Variants in EIF5B observed in about 807,000 individuals in gnomAD.
The protein encoded by EIF5B is eIF-5B.
Under a neutral mutation model 147.5 loss-of-function variants are expected in EIF5B, and 47 were observed. The ratio of observed to expected loss-of-function variants is 0.32; its 90% CI spans 0.25 to 0.41. EIF5B has a LOEUF of 0.41. EIF5B is among the 10% of genes least tolerant of loss of function. The pLI is 1.00. For synonymous variants in EIF5B, 455 were observed against 456.2 expected (o/e 1.00, Z 0.03); for missense variants, 1,064 against 1,413.2 (o/e 0.75, Z 3.96).
Position 99,337,560 on chromosome 2 carries a change from G to A in EIF5B, c.6G>A (p.Gly2=), listed in dbSNP as rs375012629. The A allele has an allele frequency of 5.0e-6, 8 of 1,613,018 alleles. No homozygotes were observed. The highest frequency in any genetic ancestry group is 1.7e-5 in the Admixed American group (1 of 59,918). The change falls in exon 1 of 24, where the codon GGG becomes GGA. Residue 2 remains glycine, a synonymous_variant. Transcript: ENST00000289371. M[G]KKQKNKSEDS... Reference sequence around the variant, plus strand: ...ACGAGCGCCATTGACAAGCAATGGGGAAGAAACAGAAAAACAAGAGCGAAG... The same window carrying A: ...ACGAGCGCCATTGACAAGCAATGGGAAAGAAACAGAAAAACAAGAGCGAAG...
intron 1 of EIF5B, among the ~76,000 whole-genome samples, chr2:99,358,627 A>C (rs984787929): frequency 6.6e-6 from 1 of 152,188 alleles, no homozygotes; most frequent in Admixed American, 6.5e-5. Flanking sequence ...GGGTGGGGTC[A>C]ATAAATACAT....
At chr2:99,386,411 T>C (rs1480679387) in intron 14 of EIF5B, among the ~76,000 whole-genome samples, 1 of 152,198 alleles carries the variant, frequency 6.6e-6, no homozygotes, top group Non-Finnish European at 1.5e-5. Flanking sequence ...TTGTATGTAC[T>C]GCTGATGTAT....
chr2:99,348,152 G>A (rs891118735), intron 1 of EIF5B, among the ~76,000 whole-genome samples: 1 of 152,142 alleles, frequency 6.6e-6, no homozygotes, highest in Non-Finnish European at 1.5e-5. Flanking sequence ...AAAATAAAGG[G>A]TTAGGCTGAA....
chr2:99,366,832 G>A (rs1448013348), intron 6 of EIF5B, among the ~76,000 whole-genome samples: 1 of 152,194 alleles, frequency 6.6e-6, no homozygotes, highest in Non-Finnish European at 1.5e-5. Flanking sequence ...TCAAGACTTA[G>A]TATAAAGCTA....
chr2:99,394,866 GAAAC>G lies in EIF5B; in HGVS notation c.3240_3243del (p.Gln1081LysfsTer6). The G allele has an allele frequency of 6.4e-7, 1 of 1,573,998 alleles. No homozygotes were observed. Among genetic ancestry groups the G allele is most frequent in the Non-Finnish European group, 8.6e-7 (1 of 1,158,492 alleles). On this transcript the variant is annotated frameshift_variant, in exon 21 of 24. Coordinates refer to ENST00000289371, the MANE Select transcript of EIF5B (RefSeq NM_015904.4). LOFTEE classifies it high-confidence loss of function. Reference sequence around the variant, plus strand: ...AATATAGACAAGACTACAAGAAACAGAAACAAGAAGAATTTAAGTAAGTTACTGT... The same window carrying G: ...AATATAGACAAGACTACAAGAAACAGAAGAAGAATTTAAGTAAGTTACTGT...
At chr2:99,398,460 GA>G (rs1261309202) in intron 22 of EIF5B, 1 of 246,748 alleles carries the variant, frequency 4.1e-6, no homozygotes, top group African/African-American at 2.3e-5. Context: ...CCTGTCACGT[GA>G]AATGGTAGAG....
chr2:99,365,350 AT>A (rs1487435184), intron 6 of EIF5B, among the ~76,000 whole-genome samples: 1 of 152,194 alleles, frequency 6.6e-6, no homozygotes, highest in Admixed American at 6.5e-5. Flanking sequence ...CAGAGCTGAA[AT>A]TTAAGCTGGT....
intron 11 of EIF5B, 53 bp from the exon 12 acceptor site, chr2:99,379,265 C>G: frequency 6.6e-7 from 1 of 1,506,862 alleles, no homozygotes; most frequent in South Asian, 1.2e-5. Context: ...ATTATTTTTG[C>G]TGCTATCTTT....
In EIF5B at chr2:99,375,683, G is replaced by T. The variant is rs1385463493; in HGVS notation, c.1553-664G>T. Among the ~76,000 whole-genome samples, 5 of 152,164 alleles carry T rather than the reference G, an allele frequency of 3.3e-5. No individual in the cohort carries two copies. In the East Asian group the frequency reaches 9.6e-4, roughly 29 times the overall value. The stretch of plus-strand genomic sequence containing the variant: ...TTCTGTCTTACTAATACTGACTTCA[G>T]TCTGGATTACTGCCTTAAGGTTTTA... On this transcript the variant is annotated intron_variant, in intron 9 of 23. Coordinates refer to ENST00000289371, the MANE Select transcript of EIF5B (RefSeq NM_015904.4).
Position 99,396,909 on chromosome 2 carries a change from G to A in EIF5B, c.3393+11G>A. 1 of 1,591,250 alleles carries A rather than the reference G, an allele frequency of 6.3e-7. No individual in the cohort carries two copies. The highest frequency in any genetic ancestry group is 1.9e-5 in the Admixed American group (1 of 53,394). On this transcript the variant is annotated intron_variant, in intron 22 of 23. Transcript: ENST00000289371. ...GTCCCAAGCAAAAATGTAAGTTCTA[G>A]TTGTACATTCTGTGGGTCATTTCTT...
At chr2:99,345,974 A>G (rs2094272540) in intron 1 of EIF5B, among the ~76,000 whole-genome samples, 1 of 151,056 alleles carries the variant, frequency 6.6e-6, no homozygotes, top group Admixed American at 6.6e-5. Context: ...GTGAATTGGG[A>G]ATACAAAAGG....
chr2:99,354,796 C>CT (rs57735386), intron 1 of EIF5B, among the ~76,000 whole-genome samples: 25 of 80,006 alleles, frequency 3.1e-4, no homozygotes, highest in African/African-American at 4.4e-4. Flanking sequence ...ATTGGTTGTA[C>CT]TTTTTTTTTT....
intron 10 of EIF5B, 101 bp downstream of exon 10, chr2:99,376,737 C>G (rs984590369): frequency 3.5e-6 from 5 of 1,440,790 alleles, no homozygotes; most frequent in Non-Finnish European, 4.6e-6. Context: ...TTTATGTATT[C>G]TCAAGAATAG....
Position 99,399,370 on chromosome 2 carries a change from T to G in EIF5B, c.3619T>G (p.Trp1207Gly). ...WFRDEMQKSD[W>G]QLIVELKKVF... ...CAGAGATGAAATGCAGAAGAGTGACTGGCAGCTTATTGTGGAGCTGAAGAA... is the reference window on the plus strand; with the variant it reads ...CAGAGATGAAATGCAGAAGAGTGACGGGCAGCTTATTGTGGAGCTGAAGAA... The change falls in exon 24 of 24, where the codon TGG (tryptophan) becomes GGG (glycine). Residue 1207 changes from tryptophan (W) to glycine (G), a missense_variant. Physicochemically the swap from Trp to Gly is radical, Grantham distance 184 (BLOSUM62 -2). Coordinates refer to ENST00000289371, the MANE Select transcript of EIF5B (RefSeq NM_015904.4). The G allele has an allele frequency of 6.2e-7, 1 of 1,614,160 alleles. No individual in the cohort carries two copies. The highest frequency in any genetic ancestry group is 1.1e-5 in the South Asian group (1 of 91,088).
Position 99,371,643 on chromosome 2 carries a change from T to G in EIF5B, c.1478-13T>G. 6.2e-7 allele frequency: 1 copy of G among 1,607,792 alleles called. No individual in the cohort carries two copies. The highest frequency in any genetic ancestry group is 8.5e-7 in the Non-Finnish European group (1 of 1,177,814). The stretch of plus-strand genomic sequence containing the variant: ...ATAATTTTTGTGTCTTAAATGCAAA[T>G]TTTTACTTACAGAAGAAGAAGAAGA... On this transcript the variant is annotated splice_polypyrimidine_tract_variant and intron_variant, in intron 8 of 23. Coordinates refer to ENST00000289371, the MANE Select transcript of EIF5B (RefSeq NM_015904.4).
In EIF5B at chr2:99,347,201, C is replaced by A. The variant is rs187210505; in HGVS notation, c.35+9612C>A. On this transcript the variant is annotated intron_variant, in intron 1 of 23. Transcript: ENST00000289371. ...TTTTGATTTTTAGTAGAGATGAGGTCTTGGTTTATTGCCCAGGCTGGTTTT... is the reference window on the plus strand; with the variant it reads ...TTTTGATTTTTAGTAGAGATGAGGTATTGGTTTATTGCCCAGGCTGGTTTT... Among the ~76,000 whole-genome samples the A allele has an allele frequency of 3.9e-3, 593 of 151,976 alleles. 8 individuals are homozygous for A. Among genetic ancestry groups the A allele is most frequent in the African/African-American group, 0.014 (570 of 41,434 alleles).
chr2:99,368,429 A>G (rs1674373510), intron 6 of EIF5B, 64 bp from the exon 7 acceptor site: 1 of 1,175,862 alleles, frequency 8.5e-7, no homozygotes, highest in African/African-American at 1.5e-5. Flanking sequence ...CTATCCTTTA[A>G]ATAGTACTTC....
At chr2:99,386,119 T>A (rs1455038488) in intron 14 of EIF5B, among the ~76,000 whole-genome samples, 1 of 152,282 alleles carries the variant, frequency 6.6e-6, no homozygotes, top group Admixed American at 6.5e-5. Context: ...TATCCATTTA[T>A]CTGTTGAGAA....
At chr2:99,351,430 CTT>C (rs1673951956) in intron 1 of EIF5B, among the ~76,000 whole-genome samples, 1 of 152,132 alleles carries the variant, frequency 6.6e-6, no homozygotes, top group South Asian at 2.1e-4. Context: ...GAGTATAAGT[CTT>C]TGTGTGGACA....
Sources: allele counts gnomAD v4.1 joint callset (sites outside exome capture counted in the v4.1 genomes callset), GRCh38; gene constraint gnomAD v4.1.1; transcripts MANE v1.5; gene names NCBI Gene and HGNC (gene_info 2026-07-23, HGNC 2026-07-21).